Variants in SPMAP2L observed in about 807,000 individuals in gnomAD.
SPMAP2L encodes sperm microtubule associated protein 2 like, also known as sperm microtubule associated protein 2-like.
At chr4:56,622,360 G>T in the SPMAP2L span, among the ~76,000 whole-genome samples, 1 of 152,170 alleles carries the variant, frequency 6.6e-6, no homozygotes, top group Non-Finnish European at 1.5e-5. Flanking sequence ...AAAATACCTC[G>T]CACCCATTGC....
At chr4:56,583,459 T>A in the SPMAP2L span, among the ~76,000 whole-genome samples, 1 of 152,136 alleles carries the variant, frequency 6.6e-6, no homozygotes, top group Non-Finnish European at 1.5e-5. Context: ...GGGTAAATTT[T>A]ATGGTATGTT....
the SPMAP2L span, among the ~76,000 whole-genome samples, chr4:56,532,407 C>T: frequency 6.6e-6 from 1 of 151,316 alleles, no homozygotes; most frequent in Non-Finnish European, 1.5e-5. Context: ...TTCACTTATG[C>T]TTTAGATACC....
chr4:56,600,873 A>G, the SPMAP2L span: 2 of 1,461,660 alleles, frequency 1.4e-6, no homozygotes, highest in East Asian at 4.9e-5. Context: ...GGATATAGCT[A>G]TAGACATAGA....
chr4:56,539,020 T>C, the SPMAP2L span, among the ~76,000 whole-genome samples: 1 of 152,324 alleles, frequency 6.6e-6, no homozygotes, highest in South Asian at 2.1e-4. Flanking sequence ...ATAAGATTTT[T>C]CTTCATCCAA....
chr4:56,613,216 T>C, the SPMAP2L span, among the ~76,000 whole-genome samples: 1 of 152,174 alleles, frequency 6.6e-6, no homozygotes, highest in Non-Finnish European at 1.5e-5. Flanking sequence ...TGTTATAGTT[T>C]GCGTTGCTTT....
chr4:56,576,175 A>G, the SPMAP2L span, among the ~76,000 whole-genome samples: 1,039 of 152,318 alleles, frequency 6.8e-3, 13 homozygotes, highest in African/African-American at 0.024. Flanking sequence ...AACACACTGG[A>G]CATGTATGTG....
chr4:56,621,566 G>A, the SPMAP2L span, among the ~76,000 whole-genome samples: 1 of 152,234 alleles, frequency 6.6e-6, no homozygotes, highest in Admixed American at 6.5e-5. Context: ...AAGATGATAT[G>A]TGTGTGGAAT....
chr4:56,617,877 C>T, the SPMAP2L span, among the ~76,000 whole-genome samples: 2 of 152,158 alleles, frequency 1.3e-5, no homozygotes, highest in Admixed American at 1.3e-4. Context: ...GTCAGGTCGC[C>T]TCTGACTGCT....
chr4:56,543,229 G>A, the SPMAP2L span, among the ~76,000 whole-genome samples: 1,834 of 151,806 alleles, frequency 0.012, 35 homozygotes, highest in African/African-American at 0.042. Flanking sequence ...GACTACAGGC[G>A]CCCGCCACCA....
chr4:56,621,912 G>A, the SPMAP2L span, among the ~76,000 whole-genome samples: 1 of 152,138 alleles, frequency 6.6e-6, no homozygotes. Flanking sequence ...TGTAATGGTA[G>A]AAACATGCCA....
chr4:56,621,962 G>A, the SPMAP2L span, among the ~76,000 whole-genome samples: 19 of 152,264 alleles, frequency 1.2e-4, no homozygotes, highest in African/African-American at 3.6e-4. Flanking sequence ...ACACCACAAC[G>A]AGTGGACCCT....
the SPMAP2L span, among the ~76,000 whole-genome samples, chr4:56,607,995 GA>G: frequency 0.31 from 22,510 of 72,508 alleles, 1,942 homozygotes; most frequent in African/African-American, 0.41. Context: ...CCTGTCTCAA[GA>G]AAAAAAAAAA....
the SPMAP2L span, among the ~76,000 whole-genome samples, chr4:56,549,067 C>A: frequency 1.3e-5 from 2 of 150,768 alleles, no homozygotes; most frequent in Non-Finnish European, 1.5e-5. Flanking sequence ...CGGCTCACTG[C>A]AACCTCTGCC....
chr4:56,621,903 G>A, the SPMAP2L span, among the ~76,000 whole-genome samples: 698 of 152,276 alleles, frequency 4.6e-3, 8 homozygotes, highest in African/African-American at 0.016. Flanking sequence ...GTGTGATATT[G>A]TAATGGTAGA....
chr4:56,544,523 A>C, the SPMAP2L span, among the ~76,000 whole-genome samples: 1 of 152,150 alleles, frequency 6.6e-6, no homozygotes, highest in Non-Finnish European at 1.5e-5. Context: ...AGGCGAAAAA[A>C]CGTAAAAAAA....
chr4:56,546,175 G>A, the SPMAP2L span, among the ~76,000 whole-genome samples: 6 of 152,108 alleles, frequency 3.9e-5, 1 homozygote, highest in South Asian at 6.2e-4. Flanking sequence ...CATTTATAGT[G>A]CTGTGTTTTG....
At chr4:56,579,991 T>TCCATGAAATATTTAGAAAATAATTAACA in the SPMAP2L span, among the ~76,000 whole-genome samples, 2 of 152,110 alleles carry the variant, frequency 1.3e-5, no homozygotes, top group Non-Finnish European at 2.9e-5. Flanking sequence ...ATTAGTGAAT[T>TCCATGAAATATTTAGAAAATAATTAACA]CCATGAAATA....
At chr4:56,624,972 T>C in the SPMAP2L span, among the ~76,000 whole-genome samples, 4 of 152,070 alleles carry the variant, frequency 2.6e-5, no homozygotes, top group Non-Finnish European at 4.4e-5. Flanking sequence ...GCTTGTACTG[T>C]GCACCTGGAA....
the SPMAP2L span, among the ~76,000 whole-genome samples, chr4:56,588,433 T>A: frequency 7.5e-6 from 1 of 133,472 alleles, no homozygotes; most frequent in Middle Eastern, 3.5e-3. Flanking sequence ...TCTTCCAGAA[T>A]TTTTTTTTTT....
Sources: gnomAD v4.1 joint callset for allele counts (sites outside exome capture counted in the v4.1 genomes callset) on GRCh38, gnomAD v4.1.1 for gene constraint, MANE v1.5 for transcripts, NCBI Gene and HGNC (gene_info 2026-07-23, HGNC 2026-07-21) for gene names.